TCF20: variants seen among roughly 807,000 people sequenced by gnomAD.
TCF20 encodes the protein SPRE-binding protein.
In TCF20, 3 loss-of-function variants were observed where a neutral mutation model predicts 148.6. The observed-to-expected ratio is 0.02, with a 90% CI of 0.01 to 0.05. TCF20 has a LOEUF of 0.05. Ranked by LOEUF, TCF20 falls within the 10% of genes least tolerant of loss-of-function variation. The probability of loss-of-function intolerance (pLI) is 1.00; values close to 1 mark genes in which losing one functional copy is unlikely to be tolerated. For synonymous variants in TCF20, 1,049 were observed against 909.5 expected, an observed-to-expected ratio of 1.15 and a Z score of -2.76; for missense variants, 2,350 against 2,429.3, an observed-to-expected ratio of 0.97 and a Z score of 0.69.
chr22:42,261,584 A>G (rs1926030467), intron 1 of TCF20, among the ~76,000 whole-genome samples: 1 of 151,944 alleles, frequency 6.6e-6, no homozygotes. Flanking sequence ...TTGTGGATGC[A>G]CTCAGGATAC....
chr22:42,195,899 C>T (rs1937584554), intron 2 of TCF20, among the ~76,000 whole-genome samples: 1 of 152,110 alleles, frequency 6.6e-6, no homozygotes. Context: ...CTTAAAGAAC[C>T]TGTCAGTCAC....
chr22:42,193,329 T>C (rs1937435131), intron 2 of TCF20, among the ~76,000 whole-genome samples: 2 of 150,820 alleles, frequency 1.3e-5, no homozygotes, highest in South Asian at 4.2e-4. Flanking sequence ...CTGTCACTCA[T>C]TCATCAAGCC....
intron 1 of TCF20, among the ~76,000 whole-genome samples, chr22:42,220,952 C>T (rs946114951): frequency 6.6e-6 from 1 of 152,198 alleles, no homozygotes; most frequent in African/African-American, 2.4e-5. Context: ...ACTTCACTTT[C>T]CTGTTGGCTT....
intron 5 of TCF20, among the ~76,000 whole-genome samples, chr22:42,163,589 C>CAG (rs1329221515): frequency 2.0e-5 from 3 of 152,218 alleles, no homozygotes; most frequent in Non-Finnish European, 4.4e-5. Flanking sequence ...AGCTAAAGCT[C>CAG]AGGAAGGCGA....
At chr22:42,305,696 C>T (rs1393323742) in intron 1 of TCF20, among the ~76,000 whole-genome samples, 3 of 152,200 alleles carry the variant, frequency 2.0e-5, no homozygotes, top group Non-Finnish European at 4.4e-5. Context: ...ACTGCCTTCC[C>T]TGGTCTCCAC....
intron 1 of TCF20, among the ~76,000 whole-genome samples, chr22:42,227,863 C>T (rs1432297685): frequency 6.6e-6 from 1 of 152,160 alleles, no homozygotes; most frequent in African/African-American, 2.4e-5. Flanking sequence ...GCAACCCATC[C>T]CACTACTGCT....
intron 2 of TCF20, among the ~76,000 whole-genome samples, chr22:42,200,772 A>G (rs193025719): frequency 6.6e-6 from 1 of 152,210 alleles, no homozygotes; most frequent in Admixed American, 6.5e-5. Flanking sequence ...TTAATCCCAC[A>G]GCCTCTCGAA....
intron 1 of TCF20, among the ~76,000 whole-genome samples, chr22:42,341,073 A>G (rs1928158683): frequency 6.6e-6 from 1 of 152,056 alleles, no homozygotes; most frequent in Non-Finnish European, 1.5e-5. Context: ...GGCTGCCAGG[A>G]GCAGAGGCCG....
At chr22:42,170,459 A>G (rs1936056827) in intron 3 of TCF20, among the ~76,000 whole-genome samples, 1 of 151,572 alleles carries the variant, frequency 6.6e-6, no homozygotes, top group African/African-American at 2.4e-5. Context: ...GTAAGCTACT[A>G]TCACATCACT....
At chr22:42,287,829 G>A (rs772718631), upstream of TCF20, among the ~76,000 whole-genome samples, 3 of 151,998 alleles carry the variant, frequency 2.0e-5, no homozygotes, top group South Asian at 2.1e-4. Flanking sequence ...ATTTCTGGGC[G>A]TGGTGAGTTG....
rs964309065 is a variant in TCF20 at position 42,279,559 on chromosome 22, C to T, written c.-37+4268G>A. Among the ~76,000 whole-genome samples the T allele has an allele frequency of 1.3e-5, 2 of 152,190 alleles. No individual in the cohort carries two copies. The highest frequency in any genetic ancestry group is 2.9e-5 in the Non-Finnish European group (2 of 68,034). ...AGCTCCTGAAGCCTCAGCCTTTTCACCCGTAGAACAGGGACATTAACATCA... is the reference window on the plus strand; with the variant it reads ...AGCTCCTGAAGCCTCAGCCTTTTCATCCGTAGAACAGGGACATTAACATCA... On this transcript the variant is annotated intron_variant, in intron 1 of 5. Coordinates refer to the TCF20 transcript ENST00000359486. The surrounding 1 kb of genome is among the most constrained non-coding windows in gnomAD (Gnocchi z 4.3).
chr22:42,202,028 C>T (rs574092956), intron 2 of TCF20, among the ~76,000 whole-genome samples: 1 of 152,234 alleles, frequency 6.6e-6, no homozygotes, highest in African/African-American at 2.4e-5. Context: ...TCACACCCTG[C>T]CACCCTTCCC....
chr22:42,267,598 G>A (rs1289765396), intron 1 of TCF20, among the ~76,000 whole-genome samples: 1 of 152,152 alleles, frequency 6.6e-6, no homozygotes, highest in African/African-American at 2.4e-5. Context: ...CTACTCAGGA[G>A]GCTGAGGTGG....
intron 1 of TCF20, among the ~76,000 whole-genome samples, chr22:42,320,563 C>G (rs1374826706): frequency 6.6e-6 from 1 of 152,236 alleles, no homozygotes; most frequent in South Asian, 2.1e-4. Context: ...GAACATCCCT[C>G]TCCCCTAGCA....
chr22:42,197,357 G>GT (rs1232563827), intron 2 of TCF20, among the ~76,000 whole-genome samples: 1 of 139,846 alleles, frequency 7.2e-6, no homozygotes, highest in Non-Finnish European at 1.5e-5. Flanking sequence ...GAGTCTCGCT[G>GT]TGTCGCCCAG....
intron 2 of TCF20, among the ~76,000 whole-genome samples, chr22:42,200,403 T>C (rs1256545793): frequency 6.6e-6 from 1 of 152,106 alleles, no homozygotes; most frequent in East Asian, 1.9e-4. Flanking sequence ...TCCCAGCACT[T>C]TGGGAGGCAG....
Position 42,307,635 on chromosome 22 carries a change from G to A in TCF20, c.-37+35844C>T, listed in dbSNP as rs376040202. 1.5e-4 allele frequency among the ~76,000 whole-genome samples: 23 copies of A among 152,346 alleles called. 1 individual carries two copies. The South Asian group carries it at 3.9e-3, about 26-fold the overall frequency. Reference sequence around the variant, plus strand: ...ACAGAGGTGAGGAGCTAAGTGAAGCGTCCCCTGGGATGGGACTCTAGAAGC... The same window carrying A: ...ACAGAGGTGAGGAGCTAAGTGAAGCATCCCCTGGGATGGGACTCTAGAAGC... On this transcript the variant is annotated intron_variant, in intron 1 of 1. Transcript: ENST00000515426.
intron 5 of TCF20, among the ~76,000 whole-genome samples, chr22:42,161,665 A>G (rs1048534429): frequency 6.6e-6 from 1 of 152,170 alleles, no homozygotes; most frequent in Non-Finnish European, 1.5e-5. Context: ...GAACTCCCTG[A>G]CCTCAGGGCA....
At position 42,317,888 on chromosome 22, in the gene TCF20, G is replaced by A. The variant is rs1601704720; in HGVS notation, c.-37+25591C>T. Among the ~76,000 whole-genome samples, 1 of 152,208 alleles carries A rather than the reference G, an allele frequency of 6.6e-6. No individual in the cohort carries two copies. The highest frequency in any genetic ancestry group is 2.4e-5 in the African/African-American group (1 of 41,466). ...AGCCAGATCCCACTCGAGCCCAGGC[G>A]GGGCACCCTCCTGGCTGCCTGCCGT... On this transcript the variant is annotated intron_variant, in intron 1 of 1. Coordinates refer to the TCF20 transcript ENST00000515426. This position sits in a 1 kb window ranked among gnomAD's most constrained non-coding sequence, Gnocchi z 4.2.
Sources: allele counts gnomAD v4.1 joint callset (sites outside exome capture counted in the v4.1 genomes callset), GRCh38; gene constraint gnomAD v4.1.1; non-coding constraint Gnocchi (gnomAD v3.1); transcripts MANE v1.5; gene names NCBI Gene and HGNC (gene_info 2026-07-23, HGNC 2026-07-21).